GALNT10: variants seen among roughly 807,000 people sequenced by gnomAD.
GALNT10 encodes the protein polypeptide N-acetylgalactosaminyltransferase 10.
Under a neutral mutation model 75.0 loss-of-function variants are expected in GALNT10, and 41 were observed. The observed-to-expected ratio is 0.55, with a 90% CI of 0.43 to 0.71. The LOEUF (loss-of-function observed/expected upper bound fraction) is 0.71. GALNT10 is among the 30% of genes least tolerant of loss of function. The pLI is 0.00. For missense variants in GALNT10, 727 were observed against 818.5 expected (o/e 0.89, Z 1.36); for synonymous variants, 302 against 313.0 (o/e 0.96, Z 0.37).
intron 3 of GALNT10, among the ~76,000 whole-genome samples, chr5:154,305,737 G>T (rs1314969996): frequency 1.3e-5 from 2 of 152,154 alleles, no homozygotes; most frequent in Non-Finnish European, 2.9e-5. Context: ...ATAAGGAGAG[G>T]CCGGGCACAG....
intron 1 of GALNT10, among the ~76,000 whole-genome samples, chr5:154,212,070 TGCTTCTGGAGGG>T (rs1775205590): frequency 6.6e-6 from 1 of 152,196 alleles, no homozygotes. Context: ...GAAAGCCTTT[TGCTTCTGGAGGG>T]CCAGTGTCTG....
At chr5:154,351,180 T>C (rs1413292071) in intron 4 of GALNT10, among the ~76,000 whole-genome samples, 2 of 152,272 alleles carry the variant, frequency 1.3e-5, no homozygotes, top group African/African-American at 2.4e-5. Flanking sequence ...TATTCCTCAT[T>C]ACTGTGAAGA....
At chr5:154,318,204 A>C (rs1754626784) in intron 3 of GALNT10, among the ~76,000 whole-genome samples, 1 of 152,214 alleles carries the variant, frequency 6.6e-6, no homozygotes, top group Non-Finnish European at 1.5e-5. Context: ...GGTTGCTGCT[A>C]CCAAGAGAAA....
Position 154,376,321 on chromosome 5 carries a change from A to C in GALNT10, c.613A>C (p.Ser205Arg). 1.9e-6 allele frequency: 3 copies of C among 1,612,774 alleles called. No individual in the cohort carries two copies. The highest frequency in any genetic ancestry group is 2.5e-6 in the Non-Finnish European group (3 of 1,179,236). Residue 205 changes from serine (S) to arginine (R), a missense_variant, in exon 5 of 12, where the codon AGT (serine) becomes CGT (arginine). Physicochemically the swap from Ser to Arg is moderately radical, Grantham distance 110 (BLOSUM62 -1). Transcript: ENST00000297107. The surrounding 1 kb of genome is among the most constrained non-coding windows in gnomAD (Gnocchi z 4.1). The stretch of plus-strand genomic sequence containing the variant: ...TGAAGACTACATGGCCCTTTTCCCC[A>C]GTGTGAGGATTCTTCGAACCAAGAA... ...PLEDYMALFP[S>R]VRILRTKKRE...
At chr5:154,227,890 G>C (rs1753087792) in intron 1 of GALNT10, among the ~76,000 whole-genome samples, 1 of 152,098 alleles carries the variant, frequency 6.6e-6, no homozygotes, top group East Asian at 1.9e-4. Context: ...ATGTTGAACT[G>C]TAATCCCCAG....
At chr5:154,219,838 T>TCACACA (rs553301418) in intron 1 of GALNT10, among the ~76,000 whole-genome samples, 206 of 125,660 alleles carry the variant, frequency 1.6e-3, no homozygotes, top group African/African-American at 5.4e-3. Context: ...TCTCTCTCTC[T>TCACACA]CACACACACA....
chr5:154,229,148 C>T (rs370102098), intron 1 of GALNT10, among the ~76,000 whole-genome samples: 1 of 152,098 alleles, frequency 6.6e-6, no homozygotes, highest in East Asian at 1.9e-4. Flanking sequence ...ACTAGAGAAC[C>T]AGAGGAGGAA....
chr5:154,202,694 T>C (rs902637406), intron 1 of GALNT10, among the ~76,000 whole-genome samples: 1 of 152,154 alleles, frequency 6.6e-6, no homozygotes, highest in Admixed American at 6.5e-5. Context: ...CACCTGTAAG[T>C]GGGAATAATA....
intron 7 of GALNT10, among the ~76,000 whole-genome samples, chr5:154,394,343 AT>A (rs35488501): frequency 5.7e-5 from 8 of 141,252 alleles, no homozygotes; most frequent in South Asian, 2.2e-4. Context: ...AAAAACTCTG[AT>A]TTTTTTTTTC....
At chr5:154,403,969 A>G in intron 7 of GALNT10, 135 bp from the exon 8 acceptor site, 2 of 750,884 alleles carry the variant, frequency 2.7e-6, no homozygotes, top group Middle Eastern at 2.3e-4. Flanking sequence ...TTCCCATGTC[A>G]TTAGGTCTGT....
At chr5:154,319,175 A>G (rs1754640384) in intron 3 of GALNT10, among the ~76,000 whole-genome samples, 1 of 152,248 alleles carries the variant, frequency 6.6e-6, no homozygotes, top group East Asian at 1.9e-4. Flanking sequence ...GTGGAAGCCC[A>G]CAAAGACCTG....
At chr5:154,333,183 A>G (rs762148043) in intron 4 of GALNT10, among the ~76,000 whole-genome samples, 1 of 152,274 alleles carries the variant, frequency 6.6e-6, no homozygotes, top group East Asian at 1.9e-4. Context: ...TAAAAGAAGT[A>G]TATGAAAACC....
intron 7 of GALNT10, among the ~76,000 whole-genome samples, chr5:154,394,587 T>C (rs1328099294): frequency 6.6e-6 from 1 of 151,896 alleles, no homozygotes; most frequent in Admixed American, 6.6e-5. Flanking sequence ...AGAGAAAAGG[T>C]GTATCCAGTC....
chr5:154,225,611 C>T (rs1380437555), intron 1 of GALNT10, among the ~76,000 whole-genome samples: 2 of 151,384 alleles, frequency 1.3e-5, no homozygotes, highest in Non-Finnish European at 2.9e-5. Flanking sequence ...ACTGTGTTGC[C>T]CAGGTTGGTC....
chr5:154,202,164 T>TTTTCTA (rs1272594446), intron 1 of GALNT10, among the ~76,000 whole-genome samples: 2 of 152,182 alleles, frequency 1.3e-5, no homozygotes, highest in African/African-American at 4.8e-5. Context: ...AGAGAGAACC[T>TTTTCTA]GGATGAGAAC....
intron 4 of GALNT10, among the ~76,000 whole-genome samples, chr5:154,345,669 CTG>C (rs1405467336): frequency 7.9e-6 from 1 of 127,128 alleles, no homozygotes; most frequent in Admixed American, 9.1e-5. Flanking sequence ...GAGTTTCACT[CTG>C]TTGCCCAGGC....
At chr5:154,337,697 A>G in intron 4 of GALNT10, 2 of 1,186,718 alleles carry the variant, frequency 1.7e-6, no homozygotes, top group African/African-American at 1.5e-5. Context: ...CAAATCCATT[A>G]TAGCCATCCC....
chr5:154,295,586 G>A (rs922350265), intron 2 of GALNT10, among the ~76,000 whole-genome samples: 9 of 152,158 alleles, frequency 5.9e-5, no homozygotes, highest in Admixed American at 3.3e-4. Flanking sequence ...GAGCAGTTCC[G>A]TTTACACTGG....
At chr5:154,315,126 CA>C (rs141178404) in intron 3 of GALNT10, among the ~76,000 whole-genome samples, 47 of 150,742 alleles carry the variant, frequency 3.1e-4, no homozygotes, top group Admixed American at 2.7e-3. Context: ...TTTTCACAAT[CA>C]AAAAAAAATA....
Sources: gnomAD v4.1 joint callset for allele counts (sites outside exome capture counted in the v4.1 genomes callset) on GRCh38, gnomAD v4.1.1 for gene constraint, Gnocchi (gnomAD v3.1) non-coding constraint, MANE v1.5 for transcripts, NCBI Gene and HGNC (gene_info 2026-07-23, HGNC 2026-07-21) for gene names.